The following TSN variants were observed in gnomAD, a reference collection of about 807,000 sequenced individuals.
TSN encodes translin.
TSN carries 5 observed loss-of-function variants against 29.4 expected under a neutral mutation model. The ratio of observed to expected loss-of-function variants is 0.17; its 90% CI spans 0.09 to 0.36. The LOEUF is 0.36. Ranked by LOEUF, TSN falls within the 10% of genes least tolerant of loss-of-function variation. The pLI, the probability that TSN is intolerant of heterozygous loss-of-function variation, is 1.00. For synonymous variants in TSN, 106 were observed against 102.2 expected (o/e 1.04, Z -0.23); for missense variants, 159 against 272.8 (o/e 0.58, Z 2.94).
In TSN at chr2:121,755,949, C is replaced by T. The variant is rs1171377519; in HGVS notation, c.66+104C>T. The T allele has an allele frequency of 5.1e-6, 8 of 1,569,094 alleles. No homozygotes were observed. The South Asian group carries it at 5.7e-5, about 11-fold the overall frequency. On this transcript the variant is annotated intron_variant, in intron 1 of 5. Transcript: ENST00000389682. ...CAGTCTCGGGCGGTGGGGACGCCTC[C>T]GAGGGTGGGTTGCTTCCCCTCTAGC...
At chr2:121,757,631 G>A (rs1363160266) in intron 2 of TSN, 4 of 341,158 alleles carry the variant, frequency 1.2e-5, no homozygotes, top group Non-Finnish European at 1.1e-5. Flanking sequence ...CAGGGTAAGC[G>A]GGAAAAGGGT....
chr2:121,756,495 T>TA (rs1482677065), intron 1 of TSN: 7 of 411,410 alleles, frequency 1.7e-5, no homozygotes, highest in East Asian at 1.1e-4. Context: ...TTGATTATTT[T>TA]AAAAAAATCT....
intron 3 of TSN, among the ~76,000 whole-genome samples, chr2:121,759,298 A>G (rs1394391112): frequency 6.6e-6 from 1 of 152,126 alleles, no homozygotes; most frequent in African/African-American, 2.4e-5. Flanking sequence ...AGGGAAGGAA[A>G]ATTTTGCCAG....
intron 3 of TSN, 92 bp from the exon 4 acceptor site, chr2:121,761,317 C>T (rs1451917586): frequency 2.5e-6 from 2 of 792,290 alleles, no homozygotes; most frequent in South Asian, 1.6e-5. Flanking sequence ...GAAAAATGAT[C>T]GCATTTCTAA....
Position 121,765,123 on chromosome 2 carries a change from T to C in TSN, c.454-11T>C, listed in dbSNP as rs1444312621. The C allele has an allele frequency of 1.2e-6, 2 of 1,613,722 alleles. No homozygotes were observed. The highest frequency in any genetic ancestry group is 3.3e-5 in the Admixed American group (2 of 59,980). On this transcript the variant is annotated splice_polypyrimidine_tract_variant and intron_variant, in intron 5 of 5. Transcript: ENST00000389682. ...TTGTAACAAGCCCCTGTTTTCTCTT[T>C]CCTGGTACAGTCGAGGCTGTCTGTC...
chr2:121,767,317 C>T lies in TSN; in HGVS notation c.*1950C>T, dbSNP rs1193898303. The T allele has an allele frequency of 6.6e-6, 1 of 152,088 alleles. No individual in the cohort carries two copies. Among genetic ancestry groups the T allele is most frequent in the East Asian group, 1.9e-4 (1 of 5,198 alleles). 9.4% of individuals were successfully genotyped at this position (152,088 alleles called of 1,614,324 possible). On this transcript the variant is annotated 3_prime_UTR_variant, in exon 6 of 6. Transcript: ENST00000389682. ...AAGTGAGTGTGCTGCTGTAAGAAAT[C>T]TCCCATGTGCATAACAAATTCTGAA...
Position 121,756,710 on chromosome 2 carries a change from G to C in TSN, c.67-530G>C, listed in dbSNP as rs2074754251. On this transcript the variant is annotated intron_variant, in intron 1 of 5. Coordinates refer to ENST00000389682, the MANE Select transcript of TSN (RefSeq NM_004622.3). Reference sequence around the variant, plus strand: ...ACCTGAGGTAAGGAGTTTGAGACCAGCCTGGCCAACATGGGGAAACCCTGT... The same window carrying C: ...ACCTGAGGTAAGGAGTTTGAGACCACCCTGGCCAACATGGGGAAACCCTGT... The C allele has an allele frequency of 2.0e-6, 2 of 1,012,490 alleles. 1 individual carries two copies. The highest frequency in any genetic ancestry group is 2.9e-5 in the South Asian group (2 of 68,796). The allele number at this position is 1,012,490 out of a possible 1,614,324, so 62.7% of individuals were successfully genotyped here.
intron 1 of TSN, chr2:121,756,415 C>G: frequency 4.1e-6 from 1 of 242,480 alleles, no homozygotes; most frequent in Non-Finnish European, 9.1e-6. Flanking sequence ...TCATTGGCGT[C>G]ACAGTCTAAG....
chr2:121,765,374 C>G lies in TSN; in HGVS notation c.*7C>G, dbSNP rs2074888918. 1 of 1,613,618 alleles carries G rather than the reference C, an allele frequency of 6.2e-7. No homozygotes were observed. Among genetic ancestry groups the G allele is most frequent in the East Asian group, 2.2e-5 (1 of 44,880 alleles). The stretch of plus-strand genomic sequence containing the variant: ...AGCTTGTGTTGAAAAATAGGAGGCT[C>G]TCCTTGCTCCTGGCCTTGCTGACCT... On this transcript the variant is annotated 3_prime_UTR_variant, in exon 6 of 6. Transcript: ENST00000389682.
At chr2:121,757,412 A>G (rs1237602734) in intron 2 of TSN, 79 bp downstream of exon 2, 2 of 1,595,302 alleles carry the variant, frequency 1.3e-6, no homozygotes, top group Non-Finnish European at 8.5e-7. Context: ...TTTTATAATG[A>G]AAAATGGCTA....
chr2:121,759,654 G>A (rs1206672751), intron 3 of TSN, among the ~76,000 whole-genome samples: 1 of 151,772 alleles, frequency 6.6e-6, no homozygotes, highest in Admixed American at 6.6e-5. Flanking sequence ...ATGTCTCCTG[G>A]TTTCATAGGT....
chr2:121,755,928 C>T, intron 1 of TSN, 83 bp downstream of exon 1: 3 of 1,596,870 alleles, frequency 1.9e-6, no homozygotes, highest in South Asian at 2.2e-5. Flanking sequence ...GTCGCTCAGT[C>T]TCGGGCGGTG....
chr2:121,759,176 G>C (rs1206193888), intron 3 of TSN, among the ~76,000 whole-genome samples: 1 of 152,190 alleles, frequency 6.6e-6, no homozygotes, highest in Non-Finnish European at 1.5e-5. Flanking sequence ...GTTTTACTTT[G>C]AAGCTTGAAT....
Position 121,757,158 on chromosome 2 carries a change from C to T in TSN, c.67-82C>T, listed in dbSNP as rs552533108. ...ATTCAAACTTGGTTATGATAGATCA[C>T]ATAAGCTATCTAATGTGTTTTGTGT... is the stretch of plus-strand genomic sequence containing the variant. On this transcript the variant is annotated intron_variant, in intron 1 of 5. Transcript: ENST00000389682. 8.7e-5 allele frequency: 113 copies of T among 1,296,200 alleles called. No individual in the cohort carries two copies. In the African/African-American group the frequency reaches 1.2e-3, roughly 13 times the overall value. The allele number at this position is 1,296,200 out of a possible 1,614,324, so 80.3% of individuals were successfully genotyped here.
In TSN at chr2:121,765,620, A is replaced by G; in HGVS notation, c.*253A>G. Reference sequence around the variant, plus strand: ...TCAGTGTATTTCAGTTCCGTCAGAAAGTGTAAATGTTAGTTTCTTGGTAAA... The same window carrying G: ...TCAGTGTATTTCAGTTCCGTCAGAAGGTGTAAATGTTAGTTTCTTGGTAAA... On this transcript the variant is annotated 3_prime_UTR_variant, in exon 6 of 6. Transcript: ENST00000389682. 2.0e-6 allele frequency: 1 copy of G among 505,792 alleles called. No individual in the cohort carries two copies. The highest frequency in any genetic ancestry group is 3.5e-6 in the Non-Finnish European group (1 of 284,012). 31.3% of individuals were successfully genotyped at this position (505,792 alleles called of 1,614,324 possible). A position where few individuals can be genotyped will look rare whatever the true frequency, so the allele number is the denominator to read the frequency against.
intron 1 of TSN, 32 bp downstream of exon 1, chr2:121,755,877 C>T (rs1401325858): frequency 4.3e-6 from 7 of 1,613,362 alleles, no homozygotes; most frequent in East Asian, 4.5e-5. Context: ...TTCCCTTTGC[C>T]TTTCCATGCC....
chr2:121,756,502 A>G (rs891614509), intron 1 of TSN: 1 of 440,278 alleles, frequency 2.3e-6, no homozygotes, highest in Admixed American at 4.3e-5. Context: ...TTTTAAAAAA[A>G]TCTTCTCCCT....
rs1392202301 is a variant in TSN, at chr2:121,758,767, C to G, written c.218C>G (p.Thr73Arg). The G allele has an allele frequency of 1.9e-6, 3 of 1,594,792 alleles. No homozygotes were observed. The African/African-American group carries it at 4.0e-5, about 21-fold the overall frequency. ...EHFGTVKTHLTSLKTKFPAEQ... is the reference protein window; with the variant it reads ...EHFGTVKTHLRSLKTKFPAEQ... ...TTTGGTACAGTAAAAACACATCTAA[C>G]ATCTTTGAAGACCAAATTTCCTGCT... Residue 73 changes from threonine to arginine, a missense_variant, in exon 3 of 6, where the codon ACA (threonine) becomes AGA (arginine). Coordinates refer to ENST00000389682, the MANE Select transcript of TSN (RefSeq NM_004622.3).
rs1573385052 is a variant in TSN, at chr2:121,755,711, T to A, written c.-69T>A. On this transcript the variant is annotated 5_prime_UTR_variant, in exon 1 of 6. Coordinates refer to ENST00000389682, the MANE Select transcript of TSN (RefSeq NM_004622.3). ...CGGCGGCCGTTGCGATTGATTGCGC[T>A]GGTTGCCTGCGGCGTCCACTTCCTT... is the stretch of plus-strand genomic sequence containing the variant. 5 of 1,594,514 alleles carry A rather than the reference T, an allele frequency of 3.1e-6. 1 individual carries two copies. The South Asian group carries it at 5.5e-5, about 18-fold the overall frequency.
Sources: gnomAD v4.1 joint callset for allele counts (sites outside exome capture counted in the v4.1 genomes callset) on GRCh38, gnomAD v4.1.1 for gene constraint, MANE v1.5 for transcripts, NCBI Gene and HGNC (gene_info 2026-07-23, HGNC 2026-07-21) for gene names.